HMGCLL1: variants seen among roughly 807,000 people sequenced by gnomAD.
HMGCLL1 encodes the protein 3-hydroxymethyl-3-methylglutaryl-CoA lyase, cytoplasmic.
A neutral mutation model predicts 39.1 loss-of-function variants in HMGCLL1; 36 were observed. The ratio of observed to expected loss-of-function variants is 0.92; its 90% CI spans 0.71 to 1.22. The LOEUF is 1.22. Among genes scored for constraint, HMGCLL1 ranks in the 50% most tolerant of loss-of-function variants. HMGCLL1 has a pLI of 0.00. For synonymous variants in HMGCLL1, 149 were observed against 144.0 expected, an observed-to-expected ratio of 1.03 and a Z score of -0.25; for missense variants, 451 against 416.5, an observed-to-expected ratio of 1.08 and a Z score of -0.72.
At chr6:55,456,355 G>C (rs73445000) in intron 7 of HMGCLL1, among the ~76,000 whole-genome samples, 12,248 of 152,230 alleles carry the variant, frequency 0.08, 556 homozygotes, top group African/African-American at 0.12. Flanking sequence ...ACTTAAAAAT[G>C]AAAATATATG....
chr6:55,520,994 C>A (rs1232655658), intron 3 of HMGCLL1, among the ~76,000 whole-genome samples: 1 of 151,998 alleles, frequency 6.6e-6, no homozygotes, highest in Non-Finnish European at 1.5e-5. Context: ...TCAAGATATG[C>A]AAAGCATCAT....
At chr6:55,509,131 A>G (rs1581874545) in intron 5 of HMGCLL1, among the ~76,000 whole-genome samples, 1 of 151,984 alleles carries the variant, frequency 6.6e-6, no homozygotes, top group Non-Finnish European at 1.5e-5. Context: ...GCTTTCACAG[A>G]TGTCTTATTT....
intron 6 of HMGCLL1, among the ~76,000 whole-genome samples, chr6:55,497,690 A>G (rs1489576378): frequency 6.6e-6 from 1 of 152,178 alleles, no homozygotes; most frequent in Admixed American, 6.5e-5. Flanking sequence ...CTTAGGACCT[A>G]TGTGACAACT....
chr6:55,543,488 G>C (rs887201782), intron 1 of HMGCLL1, among the ~76,000 whole-genome samples: 1 of 8,478 alleles, frequency 1.2e-4, no homozygotes, highest in Non-Finnish European at 2.6e-4. Context: ...ATATATATAT[G>C]ATATATATCA....
intron 7 of HMGCLL1, among the ~76,000 whole-genome samples, chr6:55,478,448 A>G (rs1489339526): frequency 1.3e-5 from 2 of 151,486 alleles, no homozygotes; most frequent in African/African-American, 2.4e-5. Context: ...CAAATTTTAC[A>G]TGGTAGAGAG....
At chr6:55,650,082 CACATAT>C in the HMGCLL1 span, among the ~76,000 whole-genome samples, 2 of 73,586 alleles carry the variant, frequency 2.7e-5, no homozygotes, top group African/African-American at 5.3e-5. Flanking sequence ...TATATACACA[CACATAT>C]ACATATATAT....
chr6:55,661,237 AT>A, the HMGCLL1 span, among the ~76,000 whole-genome samples: 1 of 151,586 alleles, frequency 6.6e-6, no homozygotes, highest in African/African-American at 2.4e-5. Context: ...CTATTTGTTA[AT>A]TTTTGCTTTT....
At chr6:55,541,972 C>A in intron 2 of HMGCLL1, 88 bp downstream of exon 2, 2 of 986,934 alleles carry the variant, frequency 2.0e-6, no homozygotes, top group South Asian at 1.5e-5. Flanking sequence ...AAAATATAAT[C>A]AGATAACATA....
chr6:55,653,872 T>C, the HMGCLL1 span, among the ~76,000 whole-genome samples: 1 of 151,570 alleles, frequency 6.6e-6, no homozygotes, highest in Non-Finnish European at 1.5e-5. Flanking sequence ...AGAAGACCTG[T>C]ATTAACCCTC....
the HMGCLL1 span, among the ~76,000 whole-genome samples, chr6:55,619,528 G>A: frequency 6.6e-6 from 1 of 152,068 alleles, no homozygotes; most frequent in South Asian, 2.1e-4. Context: ...AAACCAAGAA[G>A]TTAATAAATA....
the HMGCLL1 span, among the ~76,000 whole-genome samples, chr6:55,654,076 G>C: frequency 5.3e-5 from 8 of 152,034 alleles, no homozygotes; most frequent in East Asian, 1.6e-3. Context: ...ATCATCATTT[G>C]AGTATCAGCT....
chr6:55,659,469 T>G, the HMGCLL1 span, among the ~76,000 whole-genome samples: 2 of 151,892 alleles, frequency 1.3e-5, no homozygotes, highest in Non-Finnish European at 2.9e-5. Flanking sequence ...GTCTTAAATG[T>G]CAAAATAAAT....
At chr6:55,623,722 T>A in the HMGCLL1 span, among the ~76,000 whole-genome samples, 1 of 149,982 alleles carries the variant, frequency 6.7e-6, no homozygotes, top group Non-Finnish European at 1.5e-5. Context: ...ATATTACATA[T>A]ATATGCATAT....
In HMGCLL1 at chr6:55,530,439, C is replaced by A. The variant is rs113216859; in HGVS notation, c.297+11290G>T. 2.7e-3 allele frequency among the ~76,000 whole-genome samples: 409 copies of A among 151,954 alleles called. 3 individuals are homozygous for A. Among genetic ancestry groups the A allele is most frequent in the African/African-American group, 9.1e-3 (378 of 41,470 alleles). ...ATATCCATAGATGTTATAAAATATT[C>A]TACTATTCTAAAAATTATAATTCCA... On this transcript the variant is annotated intron_variant, in intron 3 of 8. Transcript: ENST00000274901.
chr6:55,505,547 T>A (rs751793750), intron 5 of HMGCLL1, among the ~76,000 whole-genome samples: 5 of 151,702 alleles, frequency 3.3e-5, no homozygotes, highest in Non-Finnish European at 5.9e-5. Context: ...AATTAAAGAC[T>A]GTTTCATGGC....
At chr6:55,515,745 G>A (rs540334818) in intron 4 of HMGCLL1, among the ~76,000 whole-genome samples, 126 of 151,704 alleles carry the variant, frequency 8.3e-4, no homozygotes, top group African/African-American at 2.8e-3. Context: ...TTTAAACAAC[G>A]CAATAAAAAT....
chr6:55,456,593 T>G (rs550816797), intron 7 of HMGCLL1, among the ~76,000 whole-genome samples: 8 of 152,282 alleles, frequency 5.3e-5, no homozygotes, highest in African/African-American at 1.9e-4. Context: ...CCTACAGAGT[T>G]CAGCCAACAG....
intron 3 of HMGCLL1, among the ~76,000 whole-genome samples, chr6:55,527,830 A>G (rs1171758046): frequency 1.3e-5 from 2 of 152,078 alleles, no homozygotes; most frequent in Non-Finnish European, 2.9e-5. Context: ...AGAAATATCA[A>G]CAAGATAGTC....
chr6:55,628,450 G>T, the HMGCLL1 span, among the ~76,000 whole-genome samples: 2 of 150,774 alleles, frequency 1.3e-5, no homozygotes, highest in Non-Finnish European at 2.9e-5. Flanking sequence ...TTACAGGCAC[G>T]CATCACCACA....
Sources: gnomAD v4.1 joint callset for allele counts (sites outside exome capture counted in the v4.1 genomes callset) on GRCh38, gnomAD v4.1.1 for gene constraint, MANE v1.5 for transcripts, NCBI Gene and HGNC (gene_info 2026-07-23, HGNC 2026-07-21) for gene names.